Variants in NEXMIF observed in about 807,000 individuals in gnomAD.
NEXMIF encodes the protein XLMR protein related to neurite extension.
Under a neutral mutation model 62.1 loss-of-function variants are expected in NEXMIF, and 8 were observed. That is an observed-to-expected ratio of 0.13 (90% CI 0.08 to 0.23). The LOEUF is 0.23. NEXMIF is among the 10% of genes least tolerant of loss of function. The pLI, the probability that NEXMIF is intolerant of heterozygous loss-of-function variation, is 1.00. For synonymous variants in NEXMIF, 404 were observed against 416.6 expected, an observed-to-expected ratio of 0.97 and a Z score of 0.37; for missense variants, 976 against 1,113.3, an observed-to-expected ratio of 0.88 and a Z score of 1.75.
At position 74,876,260 on chromosome X, in the gene NEXMIF, T is replaced by C. The variant is rs148197777; in HGVS notation, c.-48+48623A>G. ...CGTTTCATTATGTACCCAGTAGTCA[T>C]TCAGGAGCAGGTTGCTCAGTTTCAA... On this transcript the variant is annotated intron_variant, in intron 1 of 3. Coordinates refer to ENST00000055682, the MANE Select transcript of NEXMIF (RefSeq NM_001008537.3). 3.0e-3 allele frequency among the ~76,000 whole-genome samples: 333 copies of C among 111,600 alleles called. 3 individuals are homozygous for C. The highest frequency in any genetic ancestry group is 1.0e-2 in the African/African-American group (303 of 30,420).
intron 1 of NEXMIF, among the ~76,000 whole-genome samples, chrX:74,824,307 C>T (rs1362897634): frequency 8.9e-6 from 1 of 111,839 alleles, no homozygotes; most frequent in Non-Finnish European, 1.9e-5. Context: ...GTGTAACCAC[C>T]ATCTACTATC....
Position 74,818,753 on chromosome X carries a change from T to A in NEXMIF, c.-47-73056A>T, listed in dbSNP as rs986663188. Among the ~76,000 whole-genome samples, 5 of 111,718 alleles carry A rather than the reference T, an allele frequency of 4.5e-5. No individual in the cohort carries two copies. In the South Asian group the frequency reaches 1.9e-3, roughly 42 times the overall value. On this transcript the variant is annotated intron_variant, in intron 1 of 3. Coordinates refer to ENST00000055682, the MANE Select transcript of NEXMIF (RefSeq NM_001008537.3). ...ATCTAGCATCTATAAGGAACTTAAA[T>A]CAATGAGCAAAAAACAACCCCATTA...
chrX:74,796,184 T>C (rs1361888647), intron 1 of NEXMIF, among the ~76,000 whole-genome samples: 1 of 71,542 alleles, frequency 1.4e-5, no homozygotes, highest in African/African-American at 5.5e-5. Flanking sequence ...TATATATACA[T>C]ATATATTATA....
intron 1 of NEXMIF, among the ~76,000 whole-genome samples, chrX:74,810,446 A>G (rs1047803969): frequency 9.0e-6 from 1 of 111,126 alleles, no homozygotes. Flanking sequence ...AAAGTTACCT[A>G]AACTCCAGTT....
intron 1 of NEXMIF, among the ~76,000 whole-genome samples, chrX:74,880,385 C>T (rs2080658121): frequency 9.0e-6 from 1 of 111,491 alleles, no homozygotes; most frequent in Non-Finnish European, 1.9e-5. Flanking sequence ...ATGATGATGG[C>T]CTAAGAGAAG....
At chrX:74,923,002 A>AT (rs1265492103) in intron 1 of NEXMIF, among the ~76,000 whole-genome samples, 7 of 111,734 alleles carry the variant, frequency 6.3e-5, no homozygotes, top group Non-Finnish European at 1.3e-4. Context: ...AAAAAATTAT[A>AT]TTTTTTTAAC....
At chrX:74,886,404 C>T (rs773005086) in intron 1 of NEXMIF, among the ~76,000 whole-genome samples, 13 of 111,705 alleles carry the variant, frequency 1.2e-4, no homozygotes, top group South Asian at 3.8e-4. Context: ...AAAACCCCAT[C>T]GTCTCAGCCC....
intron 1 of NEXMIF, among the ~76,000 whole-genome samples, chrX:74,818,144 C>A (rs1176905305): frequency 9.1e-6 from 1 of 109,420 alleles, no homozygotes; most frequent in Non-Finnish European, 1.9e-5. Context: ...AAATTCAGAA[C>A]CAAAAAAGAG....
intron 1 of NEXMIF, among the ~76,000 whole-genome samples, chrX:74,867,088 C>T (rs2080582664): frequency 9.0e-6 from 1 of 111,502 alleles, no homozygotes; most frequent in Admixed American, 9.5e-5. Context: ...AGTGAAGGAC[C>T]TCTTCAAGGA....
At chrX:74,774,549 T>A (rs771391615) in intron 1 of NEXMIF, among the ~76,000 whole-genome samples, 2 of 112,365 alleles carry the variant, frequency 1.8e-5, no homozygotes, top group Non-Finnish European at 3.8e-5. Context: ...TTATGATACA[T>A]CGTCATATCA....
chrX:74,742,090 C>G lies in NEXMIF; in HGVS notation c.2467G>C (p.Asp823His). ...GYLQTLLDAS[D>H]LSNNTSISYF... The stretch of plus-strand genomic sequence containing the variant: ...GAGATACTAGTGTTATTTGACAAGT[C>G]AGAAGCATCTAACAATGTCTGCAGA... The change falls in exon 3 of 4, where the codon GAC becomes CAC. Residue 823 changes from aspartate (D) to histidine (H), a missense_variant. Asp to His is a moderately conservative substitution (Grantham distance 81, BLOSUM62 -1). This residue lies in a region of NEXMIF where 639 missense variants were observed against 694.5 expected (regional missense o/e 0.92). Coordinates refer to ENST00000055682, the MANE Select transcript of NEXMIF (RefSeq NM_001008537.3). The G allele has an allele frequency of 8.3e-7, 1 of 1,210,828 alleles. No individual in the cohort carries two copies. Among genetic ancestry groups the G allele is most frequent in the South Asian group, 1.8e-5 (1 of 56,960 alleles).
chrX:74,924,546 G>C (rs981030250), intron 1 of NEXMIF, among the ~76,000 whole-genome samples: 2 of 113,378 alleles, frequency 1.8e-5, no homozygotes, highest in Non-Finnish European at 3.7e-5. Context: ...AGTCCGAAAG[G>C]AGGCGGCACT....
intron 1 of NEXMIF, among the ~76,000 whole-genome samples, chrX:74,796,495 G>A: frequency 9.4e-6 from 1 of 106,045 alleles, no homozygotes; most frequent in Non-Finnish European, 1.9e-5. Flanking sequence ...AGGAACCAGA[G>A]TTATTTGGAT....
intron 1 of NEXMIF, among the ~76,000 whole-genome samples, chrX:74,896,094 T>C (rs2092292912): frequency 9.0e-6 from 1 of 111,318 alleles, no homozygotes; most frequent in Admixed American, 9.6e-5. Context: ...TCCTAGGTTC[T>C]TCTGTCAACT....
intron 1 of NEXMIF, among the ~76,000 whole-genome samples, chrX:74,795,236 G>T (rs1231186555): frequency 8.9e-6 from 1 of 112,269 alleles, no homozygotes; most frequent in Admixed American, 9.5e-5. Context: ...GCTTGTGGAT[G>T]TCTCTAGCAA....
At position 74,773,308 on chromosome X, in the gene NEXMIF, T is replaced by C. The variant is rs185282649; in HGVS notation, c.-47-27611A>G. 8.3e-4 allele frequency among the ~76,000 whole-genome samples: 93 copies of C among 112,299 alleles called. 1 individual carries two copies. The highest frequency in any genetic ancestry group is 2.6e-3 in the African/African-American group (79 of 30,962). On this transcript the variant is annotated intron_variant, in intron 1 of 3. Transcript: ENST00000055682. ...TCAAACAATGGTCTTACAAGATAGT[T>C]ATTACTATCTCCTTTAATATATAAG...
At chrX:74,785,783 C>A (rs887872302) in intron 1 of NEXMIF, among the ~76,000 whole-genome samples, 1 of 111,969 alleles carries the variant, frequency 8.9e-6, no homozygotes, top group Non-Finnish European at 1.9e-5. Context: ...CCTGGCCTTG[C>A]CAACATAACC....
chrX:74,755,596 T>C lies in NEXMIF; in HGVS notation c.-47-9899A>G, dbSNP rs914012214. Among the ~76,000 whole-genome samples the C allele has an allele frequency of 1.2e-4, 13 of 111,932 alleles. No homozygotes were observed. The South Asian group carries it at 4.2e-3, about 36-fold the overall frequency. On this transcript the variant is annotated intron_variant, in intron 1 of 3. Transcript: ENST00000055682. ...ATAAATAAATAAATAAATCCATCTC[T>C]GATCACTCCATGAAGATAAGTGCAC... is the stretch of plus-strand genomic sequence containing the variant.
Position 74,742,004 on chromosome X carries a change from T to G in NEXMIF, c.2553A>C (p.Ser851=), listed in dbSNP as rs1422150262. The change falls in exon 3 of 4, where the codon TCA becomes TCC. Residue 851 remains serine (S), a synonymous_variant. Transcript: ENST00000055682. The stretch of plus-strand genomic sequence containing the variant: ...CCTGGGTAGGCTGGAGGGGTACAAA[T>G]GATTTTTCGGTTTGAGTGAGGCTGC... ...NEGSLTQTEK[S]FVPLQPTQDC... 1.7e-6 allele frequency: 2 copies of G among 1,211,594 alleles called. No homozygotes were observed. Among genetic ancestry groups the G allele is most frequent in the East Asian group, 5.9e-5 (2 of 33,818 alleles).
Sources: gnomAD v4.1 joint callset for allele counts (sites outside exome capture counted in the v4.1 genomes callset) on GRCh38, gnomAD v4.1.1 for gene constraint, gnomAD v4.1.1 regional missense constraint, MANE v1.5 for transcripts, NCBI Gene and HGNC (gene_info 2026-07-23, HGNC 2026-07-21) for gene names.